Variants in NBEA observed in about 807,000 individuals in gnomAD.
NBEA encodes the protein lysosomal-trafficking regulator 2.
NBEA carries 44 observed loss-of-function variants against 343.4 expected under a neutral mutation model. The ratio of observed to expected loss-of-function variants is 0.13; its 90% confidence interval spans 0.10 to 0.16. The LOEUF (loss-of-function observed/expected upper bound fraction) is 0.16, where lower values mean the gene tolerates loss of function less well. Ranked by LOEUF, NBEA falls within the 10% of genes least tolerant of loss-of-function variation. The pLI, the probability that NBEA is intolerant of heterozygous loss-of-function variation, is 1.00. For synonymous variants in NBEA, 1,175 were observed against 1,238.7 expected, an observed-to-expected ratio of 0.95 and a Z score of 1.08; for missense variants, 2,555 against 3,631.3, an observed-to-expected ratio of 0.70 and a Z score of 7.62.
intron 34 of NBEA, among the ~76,000 whole-genome samples, chr13:35,272,327 G>A (rs1407178211): frequency 1.3e-5 from 2 of 152,076 alleles, no homozygotes; most frequent in Non-Finnish European, 2.9e-5. Context: ...TCATCACCAG[G>A]CCCATCCTAC....
chr13:35,564,295 C>A (rs1344200607), intron 44 of NBEA, among the ~76,000 whole-genome samples: 1 of 151,628 alleles, frequency 6.6e-6, no homozygotes, highest in Non-Finnish European at 1.5e-5. Flanking sequence ...TATGTTATAT[C>A]TAGATAGGTA....
intron 6 of NBEA, among the ~76,000 whole-genome samples, chr13:35,054,710 C>T (rs372914907): frequency 7.4e-6 from 1 of 134,860 alleles, no homozygotes; most frequent in South Asian, 2.4e-4. Context: ...GTGGTGTGAT[C>T]TTGGCTCACT....
intron 1 of NBEA, among the ~76,000 whole-genome samples, chr13:34,970,664 C>T (rs187502757): frequency 6.6e-6 from 1 of 152,156 alleles, no homozygotes; most frequent in Admixed American, 6.5e-5. Flanking sequence ...TTGTTTTTGT[C>T]AGGTTTGTTG....
chr13:35,155,356 G>A (rs939404400), intron 18 of NBEA, among the ~76,000 whole-genome samples: 2 of 152,078 alleles, frequency 1.3e-5, no homozygotes, highest in African/African-American at 4.8e-5. Flanking sequence ...GGGCATGGTG[G>A]CTCACACCTG....
intron 34 of NBEA, among the ~76,000 whole-genome samples, chr13:35,271,610 AAAG>A (rs1157922406): frequency 6.6e-6 from 1 of 152,208 alleles, no homozygotes; most frequent in East Asian, 1.9e-4. Flanking sequence ...AATCTTGAAA[AAAG>A]GTTAGACTAA....
chr13:35,289,116 G>A (rs940872096), intron 34 of NBEA, among the ~76,000 whole-genome samples: 5 of 151,830 alleles, frequency 3.3e-5, no homozygotes, highest in Admixed American at 3.3e-4. Context: ...CAATAAATAT[G>A]CATGCTAGTG....
intron 38 of NBEA, among the ~76,000 whole-genome samples, chr13:35,371,268 G>A (rs923906507): frequency 1.3e-5 from 2 of 151,910 alleles, no homozygotes; most frequent in Non-Finnish European, 2.9e-5. Context: ...TAGTAGCTTT[G>A]TGATGTGTGT....
chr13:35,606,005 A>G (rs935760556), intron 47 of NBEA, among the ~76,000 whole-genome samples: 2 of 152,166 alleles, frequency 1.3e-5, no homozygotes, highest in African/African-American at 4.8e-5. Flanking sequence ...TATGTGATCT[A>G]TTACAAATAC....
intron 35 of NBEA, among the ~76,000 whole-genome samples, chr13:35,308,438 C>CTATATATATATATATATATA (rs5802761): frequency 1.1e-5 from 1 of 88,994 alleles, no homozygotes; most frequent in Non-Finnish European, 2.1e-5. Context: ...CTGCTATTTA[C>CTATATATATATATATATATA]TATATATATA....
At chr13:35,283,987 G>GACACACACACAC (rs34465386) in intron 34 of NBEA, among the ~76,000 whole-genome samples, 6 of 140,854 alleles carry the variant, frequency 4.3e-5, no homozygotes, top group Non-Finnish European at 6.3e-5. Flanking sequence ...TGTGTACACA[G>GACACACACACAC]ACACACACAC....
At chr13:35,437,569 A>T (rs2045508810) in intron 39 of NBEA, among the ~76,000 whole-genome samples, 1 of 152,074 alleles carries the variant, frequency 6.6e-6, no homozygotes, top group Admixed American at 6.5e-5. Context: ...ATTAATGAAA[A>T]CCTAGAGGCA....
chr13:35,670,825 A>G, intron 58 of NBEA, 76 bp from the exon 59 acceptor site: 1 of 979,906 alleles, frequency 1.0e-6, no homozygotes, highest in South Asian at 1.4e-5. Flanking sequence ...CCAAACTTTG[A>G]GATACTGTCT....
intron 41 of NBEA, among the ~76,000 whole-genome samples, chr13:35,541,723 T>TGG (rs974738814): frequency 6.5e-5 from 8 of 122,670 alleles, no homozygotes; most frequent in African/African-American, 1.9e-4. Flanking sequence ...GAGGTCTGCA[T>TGG]GGGTGTGTGT....
chr13:35,586,191 T>C (rs2081287305), intron 46 of NBEA, among the ~76,000 whole-genome samples: 1 of 152,220 alleles, frequency 6.6e-6, no homozygotes, highest in South Asian at 2.1e-4. Flanking sequence ...ATTTTTTCCC[T>C]TCACCTAAAT....
At chr13:35,085,330 C>A (rs984620791) in intron 10 of NBEA, among the ~76,000 whole-genome samples, 4 of 152,022 alleles carry the variant, frequency 2.6e-5, no homozygotes, top group Non-Finnish European at 1.5e-5. Flanking sequence ...TGCAAAAATC[C>A]TCAATAAAAT....
chr13:35,345,352 T>C lies in NBEA; in HGVS notation c.5904-3756T>C, dbSNP rs1014020016. Among the ~76,000 whole-genome samples the C allele has an allele frequency of 5.9e-5, 9 of 152,078 alleles. No individual in the cohort carries two copies. The East Asian group carries it at 1.5e-3, about 26-fold the overall frequency. ...CATATTGCTTTGGCATATATACATA[T>C]GTGAGATAAAATGGTTTGTTAAGGA... is the stretch of plus-strand genomic sequence containing the variant. On this transcript the variant is annotated intron_variant, in intron 36 of 58. Transcript: ENST00000379939.
chr13:35,429,009 G>T, intron 38 of NBEA, among the ~76,000 whole-genome samples: 2 of 152,270 alleles, frequency 1.3e-5, no homozygotes, highest in Middle Eastern at 6.8e-3. Context: ...GTCCCCATGT[G>T]ATGTCCACTG....
intron 45 of NBEA, among the ~76,000 whole-genome samples, chr13:35,567,305 A>G (rs2080181687): frequency 6.6e-6 from 1 of 152,174 alleles, no homozygotes; most frequent in Non-Finnish European, 1.5e-5. Flanking sequence ...AAAACCTAAA[A>G]TTAGTAGAAA....
At chr13:35,274,148 C>T (rs1228285177) in intron 34 of NBEA, among the ~76,000 whole-genome samples, 1 of 152,136 alleles carries the variant, frequency 6.6e-6, no homozygotes, top group Non-Finnish European at 1.5e-5. Flanking sequence ...AGCAGCATAT[C>T]AAAAAGCTTT....
Sources: allele counts gnomAD v4.1 joint callset (sites outside exome capture counted in the v4.1 genomes callset), GRCh38; gene constraint gnomAD v4.1.1; transcripts MANE v1.5; gene names NCBI Gene and HGNC (gene_info 2026-07-23, HGNC 2026-07-21).